CHD6: variants seen among roughly 807,000 people sequenced by gnomAD.
CHD6 encodes chromodomain helicase DNA binding protein 6, also known as ATP-dependent chromatin remodeler CHD6.
CHD6 carries 50 observed loss-of-function variants against 276.9 expected under a neutral mutation model. The ratio of observed to expected loss-of-function variants is 0.18; its 90% confidence interval spans 0.14 to 0.23. The LOEUF (loss-of-function observed/expected upper bound fraction) is 0.23, where lower values mean the gene tolerates loss of function less well. CHD6 is among the 10% of genes least tolerant of loss of function. CHD6 has a pLI of 1.00. For missense variants in CHD6, 2,564 were observed against 3,365.8 expected (o/e 0.76, Z 5.89); for synonymous variants, 1,173 against 1,229.3 (o/e 0.95, Z 0.96).
chr20:41,563,334 G>A (rs1204023302), intron 1 of CHD6, among the ~76,000 whole-genome samples: 2 of 152,202 alleles, frequency 1.3e-5, no homozygotes, highest in East Asian at 3.8e-4. Context: ...GCTATTCAAA[G>A]TAATTACTAT....
At chr20:41,497,618 G>C in intron 7 of CHD6, 117 bp from the exon 8 acceptor site, 1 of 770,510 alleles carries the variant, frequency 1.3e-6, no homozygotes. Flanking sequence ...GGTTTATTGT[G>C]AAACTGCTGG....
Position 41,451,030 on chromosome 20 carries a change from T to C in CHD6, c.3599A>G (p.Asp1200Gly), listed in dbSNP as rs774174657. 6.2e-7 allele frequency: 1 copy of C among 1,613,900 alleles called. No individual in the cohort carries two copies. Among genetic ancestry groups the C allele is most frequent in the South Asian group, 1.1e-5 (1 of 91,070 alleles). The change falls in exon 23 of 37, where the codon GAT becomes GGT. Residue 1200 changes from aspartate (D) to glycine (G), a missense_variant. Around this residue, in one of 7 missense-constraint regions of CHD6, gnomAD observed 515 missense variants for 739.5 expected, o/e 0.70. Transcript: ENST00000373233. The part of the protein sequence containing the change: ...KNQLLIPELK[D>G]ADWLATCNPE... ...GTTGCAGGTGGCTAGCCAATCTGCA[T>C]CCTTTAGCTCTGGGATTAGCAACTG...
chr20:41,404,269 TTCC>T lies in CHD6; in HGVS notation c.*321_*323del, dbSNP rs377443161. The T allele has an allele frequency of 1.4e-4, 153 of 1,096,734 alleles. No homozygotes were observed. The highest frequency in any genetic ancestry group is 1.5e-4 in the Admixed American group (3 of 19,894). 67.9% of individuals were successfully genotyped at this position (1,096,734 alleles called of 1,614,324 possible). The stretch of plus-strand genomic sequence containing the variant: ...CCTAGACAGCTTTCTTTTGCCATTT[TTCC>T]TCCTCAAGTGAGTGGGAAACTTGGA... On this transcript the variant is annotated 3_prime_UTR_variant, in exon 37 of 37. Transcript: ENST00000373233.
intron 16 of CHD6, among the ~76,000 whole-genome samples, chr20:41,475,996 C>G (rs534470082): frequency 6.6e-6 from 1 of 151,996 alleles, no homozygotes; most frequent in Admixed American, 6.6e-5. Flanking sequence ...TCAAAGAACA[C>G]AAAACTTAAA....
At position 41,551,354 on chromosome 20, in the gene CHD6, T is replaced by C. The variant is rs894734947; in HGVS notation, c.-17A>G. The C allele has an allele frequency of 3.7e-6, 5 of 1,357,148 alleles. No individual in the cohort carries two copies. Among genetic ancestry groups the C allele is most frequent in the Non-Finnish European group, 4.2e-6 (4 of 958,894 alleles). The allele number at this position is 1,357,148 out of a possible 1,614,324, so 84.1% of individuals were successfully genotyped here. ...CATTTTCATCTATTGAAGGAAGATATTTATTTCTGTAAAACATTTTTAAAA... is the reference window on the plus strand; with the variant it reads ...CATTTTCATCTATTGAAGGAAGATACTTATTTCTGTAAAACATTTTTAAAA... On this transcript the variant is annotated 5_prime_UTR_variant, in exon 2 of 37. Transcript: ENST00000373233.
At chr20:41,509,118 G>A (rs2044050325) in intron 5 of CHD6, among the ~76,000 whole-genome samples, 2 of 152,102 alleles carry the variant, frequency 1.3e-5, no homozygotes, top group African/African-American at 4.8e-5. Context: ...AATCAGGAGT[G>A]ATCATCAAAA....
chr20:41,510,822 C>T (rs892196317), intron 5 of CHD6, among the ~76,000 whole-genome samples: 2 of 152,152 alleles, frequency 1.3e-5, no homozygotes, highest in Admixed American at 6.5e-5. Flanking sequence ...AATGAAAACC[C>T]CATTACAAAG....
At chr20:41,559,512 A>G (rs2045278910) in intron 1 of CHD6, among the ~76,000 whole-genome samples, 1 of 152,200 alleles carries the variant, frequency 6.6e-6, no homozygotes, top group South Asian at 2.1e-4. Flanking sequence ...ATTTTAAACT[A>G]TGGACCATTT....
chr20:41,428,666 T>G (rs1016960917), intron 27 of CHD6, among the ~76,000 whole-genome samples: 2 of 152,170 alleles, frequency 1.3e-5, no homozygotes, highest in African/African-American at 4.8e-5. Context: ...GAGAATGGCA[T>G]AAACTTCAGG....
chr20:41,504,993 G>C (rs948130818), intron 5 of CHD6, among the ~76,000 whole-genome samples: 1 of 152,140 alleles, frequency 6.6e-6, no homozygotes. Flanking sequence ...TCCAGTCAGA[G>C]ACTGAGTTGG....
At chr20:41,504,319 GCTAT>G (rs1055649741) in intron 5 of CHD6, among the ~76,000 whole-genome samples, 8 of 149,202 alleles carry the variant, frequency 5.4e-5, no homozygotes, top group Admixed American at 4.0e-4. Context: ...ATTCTACACT[GCTAT>G]CTGATTTTCT....
chr20:41,469,092 G>A (rs1241411498), intron 17 of CHD6, among the ~76,000 whole-genome samples: 1 of 152,158 alleles, frequency 6.6e-6, no homozygotes, highest in African/African-American at 2.4e-5. Context: ...TCGGAGCAGT[G>A]TGGGAGTTTC....
intron 1 of CHD6, among the ~76,000 whole-genome samples, chr20:41,588,272 T>C (rs2045617584): frequency 6.6e-6 from 1 of 152,120 alleles, no homozygotes; most frequent in African/African-American, 2.4e-5. Flanking sequence ...CATACAACAA[T>C]AAGAATTTTA....
At chr20:41,602,524 T>C (rs1024850012) in intron 1 of CHD6, among the ~76,000 whole-genome samples, 10 of 152,272 alleles carry the variant, frequency 6.6e-5, no homozygotes, top group African/African-American at 2.4e-4. Flanking sequence ...AGCACAGTGG[T>C]TCAAGGCTGG....
At chr20:41,493,740 C>G (rs2043612594) in intron 9 of CHD6, 68 bp from the exon 10 acceptor site, 1 of 1,582,538 alleles carries the variant, frequency 6.3e-7, no homozygotes, top group Non-Finnish European at 8.7e-7. Flanking sequence ...ATCTGCCAAC[C>G]TCTGAAAAAC....
chr20:41,556,781 T>A (rs2045243738), intron 1 of CHD6, among the ~76,000 whole-genome samples: 1 of 152,172 alleles, frequency 6.6e-6, no homozygotes, highest in Admixed American at 6.5e-5. Flanking sequence ...CAATAAGCAT[T>A]TATTGATTTG....
intron 18 of CHD6, 81 bp downstream of exon 18, chr20:41,457,183 A>C (rs2048401301): frequency 6.6e-7 from 1 of 1,508,178 alleles, no homozygotes; most frequent in South Asian, 1.3e-5. Flanking sequence ...GTGAACCCTT[A>C]AACAGCTGTA....
chr20:41,485,126 T>G (rs1445071924), intron 14 of CHD6, among the ~76,000 whole-genome samples: 3 of 152,212 alleles, frequency 2.0e-5, no homozygotes, highest in Non-Finnish European at 4.4e-5. Context: ...AGAACTAATG[T>G]TATAGGTGAC....
chr20:41,559,068 T>A (rs1473978413), intron 1 of CHD6, among the ~76,000 whole-genome samples: 1 of 152,096 alleles, frequency 6.6e-6, no homozygotes, highest in Non-Finnish European at 1.5e-5. Context: ...GAAAAAAAAT[T>A]AGTTTCCTTA....
Sources: allele counts gnomAD v4.1 joint callset (sites outside exome capture counted in the v4.1 genomes callset), GRCh38; gene constraint gnomAD v4.1.1; regional missense constraint gnomAD v4.1.1; transcripts MANE v1.5; gene names NCBI Gene and HGNC (gene_info 2026-07-23, HGNC 2026-07-21).